RPE: variants seen among roughly 807,000 people sequenced by gnomAD.
RPE encodes ribulose-5-phosphate-3-epimerase, also known as ribulose-phosphate 3-epimerase.
In RPE, 16 loss-of-function variants were observed where a neutral mutation model predicts 24.6. The observed-to-expected ratio is 0.65, with a 90% CI of 0.44 to 0.99. The LOEUF (loss-of-function observed/expected upper bound fraction) is 0.99, where lower values mean the gene tolerates loss of function less well. Among genes scored for constraint, RPE ranks in the 50% least tolerant of loss-of-function variants. RPE has a pLI of 0.00. For missense variants in RPE, 240 were observed against 294.5 expected (o/e 0.81, Z 1.35); for synonymous variants, 93 against 98.4 (o/e 0.94, Z 0.33).
chr2:210,015,082 C>T (rs1301760943), intron 2 of RPE, among the ~76,000 whole-genome samples: 2 of 152,170 alleles, frequency 1.3e-5, no homozygotes, highest in African/African-American at 2.4e-5. Flanking sequence ...TTTGTTCTTG[C>T]AGTCTTGCCT....
At chr2:210,015,943 G>A in intron 2 of RPE, 30 bp from the exon 3 acceptor site, 1 of 1,605,574 alleles carries the variant, frequency 6.2e-7, no homozygotes. Flanking sequence ...GTATTTTTCA[G>A]TAATATTTTG....
chr2:210,003,500 A>C lies in RPE; in HGVS notation c.122+717A>C, dbSNP rs16844058. 9.6e-6 allele frequency: 12 copies of C among 1,256,246 alleles called. No homozygotes were observed. The African/African-American group carries it at 1.7e-4, about 18-fold the overall frequency. The allele number at this position is 1,256,246 out of a possible 1,614,324, so 77.8% of individuals were successfully genotyped here. ...AATTTTTAAGCACCGTAGTTACAGC[A>C]CATAATATTGTTTGGAGTCAGGATA... On this transcript the variant is annotated intron_variant, in intron 1 of 5. Coordinates refer to ENST00000359429, the MANE Select transcript of RPE (RefSeq NM_199229.3).
intron 2 of RPE, among the ~76,000 whole-genome samples, chr2:210,014,369 G>A (rs2093742086): frequency 1.3e-5 from 2 of 152,120 alleles, no homozygotes; most frequent in South Asian, 2.1e-4. Flanking sequence ...GGTTACAGGC[G>A]TGAGCCACCG....
rs2093790224 is a variant in RPE, at chr2:210,017,541, T to A, written c.546T>A (p.Thr182=). ...IEVDGGVGPD[T]VHKCAEAGAN... ...TCGATGGTGGAGTAGGTCCTGACAC[T>A]GTCCATAAATGTGCAGAGGTGAGAT... is the stretch of plus-strand genomic sequence containing the variant. Residue 182 remains threonine (T), a synonymous_variant, in exon 5 of 6, where the codon ACT becomes ACA. Transcript: ENST00000359429. 2 of 1,602,616 alleles carry A rather than the reference T, an allele frequency of 1.2e-6. No homozygotes were observed. The highest frequency in any genetic ancestry group is 2.7e-5 in the African/African-American group (2 of 74,396).
At chr2:210,006,634 T>A (rs1317855510) in intron 1 of RPE, among the ~76,000 whole-genome samples, 1 of 152,216 alleles carries the variant, frequency 6.6e-6, no homozygotes, top group Non-Finnish European at 1.5e-5. Flanking sequence ...TGAAACCTAC[T>A]GTTAAGACAA....
chr2:210,019,670 C>T lies in RPE; in HGVS notation c.566C>T (p.Ala189Val), dbSNP rs1188817316. The T allele has an allele frequency of 6.2e-7, 1 of 1,611,760 alleles. No individual in the cohort carries two copies. The highest frequency in any genetic ancestry group is 1.7e-5 in the Admixed American group (1 of 59,732). Residue 189 changes from alanine (A) to valine (V), a missense_variant and splice_region_variant, in exon 6 of 6, where the codon GCA (alanine) becomes GTA (valine). Coordinates refer to ENST00000359429, the MANE Select transcript of RPE (RefSeq NM_199229.3). ...GPDTVHKCAE[A>V]GANMIVSGSA... ...AACCTAACTGTTTACTTCTTCCAGGCAGGAGCTAACATGATTGTGTCTGGC... is the reference window on the plus strand; with the variant it reads ...AACCTAACTGTTTACTTCTTCCAGGTAGGAGCTAACATGATTGTGTCTGGC...
Position 210,021,835 on chromosome 2 carries a change from A to G in RPE, c.*2044A>G, listed in dbSNP as rs2125101459. 6.6e-6 allele frequency: 1 copy of G among 151,836 alleles called. No homozygotes were observed. Among genetic ancestry groups the G allele is most frequent in the East Asian group, 1.9e-4 (1 of 5,182 alleles). 9.4% of individuals were successfully genotyped at this position (151,836 alleles called of 1,614,324 possible). ...CTTTCATGTATACTCTTCAGTATCC[A>G]ATATTGAAGCTTTGTTCTTTGAAAA... On this transcript the variant is annotated 3_prime_UTR_variant, in exon 6 of 6. Transcript: ENST00000359429.
intron 4 of RPE, 45 bp from the exon 5 acceptor site, chr2:210,017,428 C>CAAAAACACAA: frequency 2.2e-6 from 2 of 924,556 alleles, no homozygotes; most frequent in Non-Finnish European, 3.3e-6. Context: ...CCCCCACCAA[C>CAAAAACACAA]ATACCCACTT....
chr2:210,013,151 G>C (rs933390253), intron 2 of RPE, among the ~76,000 whole-genome samples: 5 of 152,078 alleles, frequency 3.3e-5, no homozygotes, highest in African/African-American at 1.2e-4. Flanking sequence ...GAGTTAATTG[G>C]GATGTAACCC....
At chr2:210,014,192 C>T (rs745305887) in intron 2 of RPE, among the ~76,000 whole-genome samples, 6 of 151,958 alleles carry the variant, frequency 3.9e-5, no homozygotes, top group South Asian at 2.1e-4. Flanking sequence ...CCTGGATTCA[C>T]GCTGTTCTGC....
At chr2:210,013,724 T>C (rs2093731285) in intron 2 of RPE, among the ~76,000 whole-genome samples, 1 of 152,234 alleles carries the variant, frequency 6.6e-6, no homozygotes, top group South Asian at 2.1e-4. Flanking sequence ...TGTAAACTCC[T>C]GGGCTCAAGC....
chr2:210,016,786 A>G (rs1238841484), intron 4 of RPE, 145 bp downstream of exon 4: 1 of 1,082,284 alleles, frequency 9.2e-7, no homozygotes, highest in East Asian at 2.5e-5. Flanking sequence ...ATACAGTATA[A>G]TAAATGCTGT....
At chr2:210,019,646 A>C (rs752930551) in intron 5 of RPE, 23 bp from the exon 6 acceptor site, 2 of 1,610,528 alleles carry the variant, frequency 1.2e-6, no homozygotes, top group Non-Finnish European at 1.7e-6. Context: ...TTGAGGCATA[A>C]CCTAACTGTT....
chr2:210,014,895 T>C (rs947846877), intron 2 of RPE, among the ~76,000 whole-genome samples: 3 of 152,226 alleles, frequency 2.0e-5, no homozygotes, highest in Admixed American at 1.3e-4. Flanking sequence ...CACAGTGTTA[T>C]TTCTTGGTTT....
intron 2 of RPE, among the ~76,000 whole-genome samples, chr2:210,010,699 T>G (rs2093688274): frequency 6.6e-6 from 1 of 152,166 alleles, no homozygotes; most frequent in East Asian, 1.9e-4. Flanking sequence ...CTATTAAAAT[T>G]AAATAAACTT....
At chr2:210,002,930 C>T in intron 1 of RPE, 147 bp downstream of exon 1, 2 of 1,488,918 alleles carry the variant, frequency 1.3e-6, no homozygotes, top group East Asian at 2.3e-5. Flanking sequence ...GGGTAGGAGC[C>T]CTGGAGGCTC....
chr2:210,013,855 C>T (rs547420338), intron 2 of RPE, among the ~76,000 whole-genome samples: 1 of 151,970 alleles, frequency 6.6e-6, no homozygotes, highest in Non-Finnish European at 1.5e-5. Flanking sequence ...TCTTTTTAAT[C>T]AGCATATTGT....
intron 1 of RPE, among the ~76,000 whole-genome samples, chr2:210,007,558 C>T (rs1281337148): frequency 2.6e-5 from 4 of 152,158 alleles, no homozygotes; most frequent in African/African-American, 4.8e-5. Context: ...CTTTTTTTTA[C>T]ACTAGCCAAA....
chr2:210,003,748 T>C (rs144468194), intron 1 of RPE, among the ~76,000 whole-genome samples: 2 of 152,318 alleles, frequency 1.3e-5, no homozygotes, highest in East Asian at 3.9e-4. Context: ...AAAAACCCTG[T>C]GTTCCCTCAT....
Sources: allele counts gnomAD v4.1 joint callset (sites outside exome capture counted in the v4.1 genomes callset), GRCh38; gene constraint gnomAD v4.1.1; transcripts MANE v1.5; gene names NCBI Gene and HGNC (gene_info 2026-07-23, HGNC 2026-07-21).